Variants in SH3RF2 observed in about 807,000 individuals in gnomAD.
SH3RF2 encodes SH3 domain containing ring finger 2, also known as E3 ubiquitin-protein ligase SH3RF2.
SH3RF2 carries 43 observed loss-of-function variants against 59.0 expected under a neutral mutation model. The observed-to-expected ratio is 0.73, with a 90% CI of 0.57 to 0.94. The LOEUF is 0.94. Among genes scored for constraint, SH3RF2 ranks in the 40% least tolerant of loss-of-function variants. The pLI is 0.00. For synonymous variants in SH3RF2, 391 were observed against 391.5 expected, an observed-to-expected ratio of 1.00 and a Z score of 0.01; for missense variants, 930 against 940.1, an observed-to-expected ratio of 0.99 and a Z score of 0.14.
intron 8 of SH3RF2, among the ~76,000 whole-genome samples, chr5:146,058,634 A>G (rs1762767998): frequency 1.3e-5 from 2 of 152,180 alleles, no homozygotes; most frequent in Admixed American, 1.3e-4. Context: ...GTCACAAAGG[A>G]CTAACAACGC....
chr5:146,064,799 G>GAAAGAAA (rs1561773747), downstream of SH3RF2, among the ~76,000 whole-genome samples: 10 of 28,064 alleles, frequency 3.6e-4, no homozygotes, highest in African/African-American at 1.2e-3. Flanking sequence ...AAGGAAGGAA[G>GAAAGAAA]GAAGGAAGGA....
At chr5:145,969,050 G>A (rs919883236) in intron 2 of SH3RF2, among the ~76,000 whole-genome samples, 2 of 151,932 alleles carry the variant, frequency 1.3e-5, no homozygotes, top group African/African-American at 4.8e-5. Context: ...TGCTTCTCAG[G>A]TCCCACCAGA....
intron 5 of SH3RF2, among the ~76,000 whole-genome samples, chr5:146,024,945 C>T (rs1043903536): frequency 7.2e-5 from 11 of 152,178 alleles, no homozygotes; most frequent in Non-Finnish European, 1.5e-4. Flanking sequence ...TCAGCCTGCT[C>T]CATCCATTAA....
At chr5:146,010,043 G>A (rs973636272) in intron 4 of SH3RF2, among the ~76,000 whole-genome samples, 6 of 128,316 alleles carry the variant, frequency 4.7e-5, no homozygotes, top group Admixed American at 8.3e-5. Context: ...CCCACCCCAC[G>A]ACAGGCCCCA....
chr5:145,963,520 CTGAG>C (rs1220467226), intron 2 of SH3RF2, among the ~76,000 whole-genome samples: 7 of 152,132 alleles, frequency 4.6e-5, no homozygotes, highest in Admixed American at 6.5e-5. Flanking sequence ...TTAGGATTAG[CTGAG>C]TGAGGGATGA....
In SH3RF2 at chr5:145,983,496, C is replaced by T. The variant is rs550777112; in HGVS notation, c.379-16562C>T. 7.3e-4 allele frequency among the ~76,000 whole-genome samples: 111 copies of T among 152,276 alleles called. 1 individual carries two copies. Among genetic ancestry groups the T allele is most frequent in the South Asian group, 4.6e-3 (22 of 4,814 alleles). On this transcript the variant is annotated intron_variant, in intron 2 of 9. Transcript: ENST00000359120. ...CCTCAGGGATGAAAAGAGGAAGACT[C>T]CTTCATGCCAATTCATTCCCAGACA...
At chr5:145,997,079 T>C (rs1760192340) in intron 2 of SH3RF2, 5 of 565,112 alleles carry the variant, frequency 8.8e-6, no homozygotes, top group Non-Finnish European at 1.6e-5. Flanking sequence ...TGAAGGTTTG[T>C]TACACAGGTA....
chr5:145,947,429 C>T (rs970617518), intron 2 of SH3RF2, among the ~76,000 whole-genome samples: 2 of 152,174 alleles, frequency 1.3e-5, no homozygotes, highest in African/African-American at 2.4e-5. Context: ...AGGCTCACCT[C>T]ATATGGTTAT....
downstream of SH3RF2, among the ~76,000 whole-genome samples, chr5:146,065,103 G>A (rs1051814597): frequency 6.6e-6 from 1 of 152,152 alleles, no homozygotes; most frequent in Admixed American, 6.5e-5. Context: ...GGCTGGTAGA[G>A]CCAACATGAC....
downstream of SH3RF2, among the ~76,000 whole-genome samples, chr5:146,064,808 G>GAAAT (rs1384085716): frequency 2.3e-4 from 2 of 8,566 alleles, no homozygotes; most frequent in African/African-American, 3.1e-4. Flanking sequence ...AGGAAGGAAG[G>GAAAT]AAAGAAAGAA....
At chr5:145,997,077 T>G (rs1561731140) in intron 2 of SH3RF2, 1 of 562,314 alleles carries the variant, frequency 1.8e-6, no homozygotes, top group East Asian at 3.2e-5. Context: ...TGTGAAGGTT[T>G]GTTACACAGG....
At chr5:146,064,776 A>AAAGGAAGGAAGGAAAGG, downstream of SH3RF2, among the ~76,000 whole-genome samples, 2 of 24,848 alleles carry the variant, frequency 8.0e-5, 1 homozygote, top group African/African-American at 2.7e-4. Flanking sequence ...GGAAGGAAGG[A>AAAGGAAGGAAGGAAAGG]AAGGAAGGAA....
intron 3 of SH3RF2, among the ~76,000 whole-genome samples, chr5:146,002,514 AAGGAAG>A (rs1183552984): frequency 1.9e-4 from 28 of 151,018 alleles, no homozygotes; most frequent in African/African-American, 6.1e-4. Flanking sequence ...GGAAGGAAGG[AAGGAAG>A]GAAGGAAGGA....
chr5:145,961,361 C>G (rs973482535), intron 2 of SH3RF2, among the ~76,000 whole-genome samples: 4 of 152,042 alleles, frequency 2.6e-5, no homozygotes, highest in Non-Finnish European at 4.4e-5. Context: ...TAACATTTCT[C>G]TTCTCTAAGA....
At chr5:146,020,574 A>C (rs76886580) in intron 5 of SH3RF2, among the ~76,000 whole-genome samples, 3 of 152,262 alleles carry the variant, frequency 2.0e-5, no homozygotes, top group Non-Finnish European at 4.4e-5. Context: ...TTTCTCTCAT[A>C]TATATCTCTC....
At chr5:145,959,022 G>C (rs930537067) in intron 2 of SH3RF2, among the ~76,000 whole-genome samples, 1 of 152,120 alleles carries the variant, frequency 6.6e-6, no homozygotes, top group African/African-American at 2.4e-5. Context: ...AAAGACTCCA[G>C]GTAGAGAAGC....
At chr5:145,990,083 T>C (rs1036932484) in intron 2 of SH3RF2, among the ~76,000 whole-genome samples, 1 of 152,260 alleles carries the variant, frequency 6.6e-6, no homozygotes, top group Admixed American at 6.5e-5. Flanking sequence ...AACAGTAAAT[T>C]GGGGATATAG....
Position 146,000,214 on chromosome 5 carries a change from G to T in SH3RF2, c.535G>T (p.Val179Leu), listed in dbSNP as rs1323288656. ...GISGNFPASS[V>L]EVIKQLPQPP... is the part of the protein sequence containing the mutation. ...CAGCGGGAACTTCCCAGCCAGCTCC[G>T]TGGAAGTCATCAAGCAGCTGCCCCA... Residue 179 changes from valine to leucine, a missense_variant, in exon 3 of 10, where the codon GTG (valine) becomes TTG (leucine). By Grantham distance (32) the Val-to-Leu change is conservative. Coordinates refer to ENST00000359120, the MANE Select transcript of SH3RF2 (RefSeq NM_152550.4). 2 of 1,613,478 alleles carry T rather than the reference G, an allele frequency of 1.2e-6. No homozygotes were observed. The highest frequency in any genetic ancestry group is 1.3e-5 in the African/African-American group (1 of 74,884).
chr5:145,974,055 G>A (rs747109651), intron 2 of SH3RF2, among the ~76,000 whole-genome samples: 2 of 152,178 alleles, frequency 1.3e-5, no homozygotes, highest in African/African-American at 2.4e-5. Context: ...CAGGAGGCTC[G>A]ACTGAGGAAG....
Sources: gnomAD v4.1 joint callset for allele counts (sites outside exome capture counted in the v4.1 genomes callset) on GRCh38, gnomAD v4.1.1 for gene constraint, MANE v1.5 for transcripts, NCBI Gene and HGNC (gene_info 2026-07-23, HGNC 2026-07-21) for gene names.